ZBP1: variants seen among roughly 807,000 people sequenced by gnomAD.
ZBP1 encodes Z-DNA binding protein 1, also known as Z-DNA-binding protein 1.
ZBP1 carries 42 observed loss-of-function variants against 41.1 expected under a neutral mutation model. The observed-to-expected ratio is 1.02, with a 90% CI of 0.80 to 1.32. ZBP1 has a LOEUF of 1.32. Ranked by LOEUF, ZBP1 falls within the 40% of genes most tolerant of loss-of-function variation. ZBP1 has a pLI of 0.00. For synonymous variants in ZBP1, 214 were observed against 205.2 expected (o/e 1.04, Z -0.37); for missense variants, 562 against 549.7 (o/e 1.02, Z -0.22).
rs1257806985 is a variant in ZBP1 at position 57,616,290 on chromosome 20, A to T, written c.213T>A (p.Thr71=). The T allele has an allele frequency of 6.2e-7, 1 of 1,614,144 alleles. No individual in the cohort carries two copies. The highest frequency in any genetic ancestry group is 8.5e-7 in the Non-Finnish European group (1 of 1,180,000). The part of the protein sequence containing the change: ...TSPATWCLGG[T]DPEGEGPAEL... ...CTGCAGGACCCTCGCCTTCAGGATCAGTCCCGCCCAAGCACCAGGTGGCAG... is the reference window on the plus strand; with the variant it reads ...CTGCAGGACCCTCGCCTTCAGGATCTGTCCCGCCCAAGCACCAGGTGGCAG... Residue 71 remains threonine, a synonymous_variant, in exon 2 of 8, where the codon ACT becomes ACA. Transcript: ENST00000371173.
At chr20:57,609,010 CCT>C (rs1473682315) in intron 7 of ZBP1, among the ~76,000 whole-genome samples, 1 of 152,240 alleles carries the variant, frequency 6.6e-6, no homozygotes, top group Non-Finnish European at 1.5e-5. Context: ...TCATCCAGCC[CCT>C]CTCCTGCTCA....
At position 57,616,411 on chromosome 20, in the gene ZBP1, A is replaced by G. The variant is rs773797262; in HGVS notation, c.92T>C (p.Leu31Pro). 1.7e-5 allele frequency: 27 copies of G among 1,614,094 alleles called. No homozygotes were observed. The highest frequency in any genetic ancestry group is 3.3e-4 in the Middle Eastern group (2 of 6,006). The change falls in exon 2 of 8, where the codon CTT (leucine) becomes CCT (proline). Residue 31 changes from leucine to proline, a missense_variant. Physicochemically the swap from Leu to Pro is moderately conservative, Grantham distance 98. Transcript: ENST00000371173. ...VLTEAGSPVK[L>P]AQLVKECQAP... ...TTGGCATTCCTTCACCAGCTGGGCA[A>G]GTTTCACCGGGGAGCCAGCCTCTGT...
chr20:57,604,272 G>T lies in ZBP1; in HGVS notation c.*301C>A. On this transcript the variant is annotated 3_prime_UTR_variant, in exon 8 of 8. Coordinates refer to ENST00000371173, the MANE Select transcript of ZBP1 (RefSeq NM_030776.3). The stretch of plus-strand genomic sequence containing the variant: ...ACTCCAGGCAGATGCCCCGAGCCCA[G>T]GAAAGAGTGGAGAGAGTCCCCTGGG... 3 of 535,598 alleles carry T rather than the reference G, an allele frequency of 5.6e-6. No homozygotes were observed. Among genetic ancestry groups the T allele is most frequent in the Non-Finnish European group, 1.1e-5 (3 of 283,002 alleles). The allele number at this position is 535,598 out of a possible 1,614,324, so 33.2% of individuals were successfully genotyped here.
intron 7 of ZBP1, chr20:57,606,951 C>G: frequency 2.0e-5 from 23 of 1,175,504 alleles, no homozygotes; most frequent in Non-Finnish European, 2.4e-5. Flanking sequence ...CCTGTTCATC[C>G]ACGGGCTCTG....
chr20:57,619,604 C>T (rs963178280), intron 1 of ZBP1, among the ~76,000 whole-genome samples: 2 of 152,114 alleles, frequency 1.3e-5, no homozygotes, highest in Non-Finnish European at 2.9e-5. Flanking sequence ...CAAAGCAAAC[C>T]GCTTTGTTCT....
chr20:57,617,016 G>A (rs73301333), intron 1 of ZBP1: 7,774 of 161,674 alleles, frequency 0.048, 218 homozygotes, highest in South Asian at 0.095. Flanking sequence ...GTGCCCAGTC[G>A]TGGAGCCCTG....
intron 1 of ZBP1, 152 bp from the exon 2 acceptor site, chr20:57,616,620 A>G: frequency 1.4e-6 from 1 of 712,774 alleles, no homozygotes; most frequent in Non-Finnish European, 2.3e-6. Flanking sequence ...GATGCCCCCT[A>G]AGAGCAGTAG....
intron 7 of ZBP1, among the ~76,000 whole-genome samples, chr20:57,609,033 T>G (rs941725420): frequency 1.3e-5 from 2 of 152,220 alleles, no homozygotes; most frequent in African/African-American, 4.8e-5. Context: ...AAGCCCCCCA[T>G]GGCTTCCAAT....
In ZBP1 at chr20:57,613,875, C is replaced by T. The variant is rs920099110; in HGVS notation, c.503-545G>A. 6.6e-6 allele frequency among the ~76,000 whole-genome samples: 1 copy of T among 152,238 alleles called. No homozygotes were observed. The highest frequency in any genetic ancestry group is 1.5e-5 in the Non-Finnish European group (1 of 68,044). On this transcript the variant is annotated intron_variant, in intron 4 of 7. Coordinates refer to ENST00000371173, the MANE Select transcript of ZBP1 (RefSeq NM_030776.3). The surrounding 1 kb of genome is among the most constrained non-coding windows in gnomAD (Gnocchi z 4.5). ...ACCCGTCATGAGTAGCAGAGTCAGC[C>T]CTGCAGAGGTTGAGGCAGGCACCTG... is the stretch of plus-strand genomic sequence containing the variant.
chr20:57,610,435 C>A lies in ZBP1; in HGVS notation c.875-68G>T. The A allele has an allele frequency of 6.4e-7, 1 of 1,552,264 alleles. No homozygotes were observed. On this transcript the variant is annotated intron_variant, in intron 6 of 7. Coordinates refer to ENST00000371173, the MANE Select transcript of ZBP1 (RefSeq NM_030776.3). The surrounding 1 kb of genome is among the most constrained non-coding windows in gnomAD (Gnocchi z 5.5). Reference sequence around the variant, plus strand: ...GACAGTGGCCGGGAACCCTGACCCCCAGCCTGGTTCACCCTCCTCCCCAGA... The same window carrying A: ...GACAGTGGCCGGGAACCCTGACCCCAAGCCTGGTTCACCCTCCTCCCCAGA...
At chr20:57,608,701 C>T (rs2070560610) in intron 7 of ZBP1, among the ~76,000 whole-genome samples, 1 of 152,234 alleles carries the variant, frequency 6.6e-6, no homozygotes, top group Non-Finnish European at 1.5e-5. Context: ...GTCACATGTG[C>T]ATGGGGCTCC....
At position 57,611,746 on chromosome 20, in the gene ZBP1, G is replaced by A. The variant is rs747511830; in HGVS notation, c.855C>T (p.Ile285=). ...AGTTACCTGGGGGGCTGCCAGGGGG[G>A]ATGTGGGCAGGGCCCTCGGACGGGA... ...HGVPSEGPAH[I]PPGSPPVSAT... is the part of the protein sequence containing the mutation. The change falls in exon 6 of 8, where the codon ATC becomes ATT. Residue 285 remains isoleucine (I), a synonymous_variant. Coordinates refer to ENST00000371173, the MANE Select transcript of ZBP1 (RefSeq NM_030776.3). The A allele has an allele frequency of 1.9e-6, 3 of 1,611,224 alleles. No individual in the cohort carries two copies. Among genetic ancestry groups the A allele is most frequent in the African/African-American group, 2.7e-5 (2 of 75,012 alleles).
In ZBP1 at chr20:57,616,384, G is replaced by A; in HGVS notation, c.119C>T (p.Ala40Val). ...KLAQLVKECQ[A>V]PKRELNQVLY... is the part of the protein sequence containing the mutation. ...GACTTGGTTGAGCTCCCTCTTGGGT[G>A]CTTGGCATTCCTTCACCAGCTGGGC... is the stretch of plus-strand genomic sequence containing the variant. Residue 40 changes from alanine (A) to valine (V), a missense_variant, in exon 2 of 8, where the codon GCA becomes GTA. Transcript: ENST00000371173. 6.2e-7 allele frequency: 1 copy of A among 1,614,182 alleles called. No individual in the cohort carries two copies. Among genetic ancestry groups the A allele is most frequent in the African/African-American group, 1.3e-5 (1 of 75,042 alleles).
At chr20:57,617,674 TAGTG>T (rs1568941367) in intron 1 of ZBP1, 1 of 146,986 alleles carries the variant, frequency 6.8e-6, no homozygotes, top group African/African-American at 2.4e-5. Flanking sequence ...CTGGGCAACA[TAGTG>T]AGACCCCCAT....
At position 57,604,674 on chromosome 20, in the gene ZBP1, C is replaced by T. The variant is rs148550523; in HGVS notation, c.1189G>A (p.Glu397Lys). The part of the protein sequence containing the change: ...PSHSKLTPKL[E>K]TMTLGNRSHK... ...CTCCTGTTTCCAAGAGTCATAGTTT[C>T]CAGCTTGGGGGTGAGCTTCGAGTGG... Residue 397 changes from glutamate to lysine, a missense_variant, in exon 8 of 8, where the codon GAA (glutamate) becomes AAA (lysine). By Grantham distance (56) the Glu-to-Lys change is moderately conservative. Coordinates refer to ENST00000371173, the MANE Select transcript of ZBP1 (RefSeq NM_030776.3). 6.2e-7 allele frequency: 1 copy of T among 1,614,048 alleles called. No individual in the cohort carries two copies. The highest frequency in any genetic ancestry group is 1.3e-5 in the African/African-American group (1 of 74,922).
chr20:57,615,610 G>A (rs745360683), intron 2 of ZBP1, 30 bp from the exon 3 acceptor site: 2 of 1,602,350 alleles, frequency 1.2e-6, no homozygotes, highest in Admixed American at 1.7e-5. Flanking sequence ...TCAGAGGGGT[G>A]GGGGACAGAA....
At chr20:57,605,795 G>A (rs917974892) in intron 7 of ZBP1, among the ~76,000 whole-genome samples, 6 of 152,102 alleles carry the variant, frequency 3.9e-5, no homozygotes, top group East Asian at 1.9e-4. Flanking sequence ...TTAGCCAGGC[G>A]TGGTGGTGCA....
intron 5 of ZBP1, 129 bp from the exon 6 acceptor site, chr20:57,612,059 G>T: frequency 9.5e-7 from 1 of 1,049,856 alleles, no homozygotes; most frequent in Middle Eastern, 3.0e-4. Context: ...AAAGACTTCA[G>T]GCTCTGGCTT....
In ZBP1 at chr20:57,620,329, G is replaced by A. The variant is rs1279365088; in HGVS notation, c.-34C>T. On this transcript the variant is annotated 5_prime_UTR_variant, in exon 1 of 8. Transcript: ENST00000371173. ...CAGCTGCAAGGAGTCGGAGAGACTT[G>A]GCAGGTGTGCAGGCTTCTGCACTGT... is the stretch of plus-strand genomic sequence containing the variant. The A allele has an allele frequency of 1.3e-6, 2 of 1,582,222 alleles. No homozygotes were observed. Among genetic ancestry groups the A allele is most frequent in the African/African-American group, 1.3e-5 (1 of 74,238 alleles).
Sources: allele counts gnomAD v4.1 joint callset (sites outside exome capture counted in the v4.1 genomes callset), GRCh38; gene constraint gnomAD v4.1.1; non-coding constraint Gnocchi (gnomAD v3.1); transcripts MANE v1.5; gene names NCBI Gene and HGNC (gene_info 2026-07-23, HGNC 2026-07-21).